Variants in MYO18B observed in about 807,000 individuals in gnomAD.
The protein encoded by MYO18B is myosin XVIIIB, also known as unconventional myosin-XVIIIb.
A neutral mutation model predicts 273.0 loss-of-function variants in MYO18B; 204 were observed. The observed-to-expected ratio is 0.75, with a 90% CI of 0.67 to 0.84. MYO18B has a LOEUF of 0.84. Among genes scored for constraint, MYO18B ranks in the 40% least tolerant of loss-of-function variants. The pLI, the probability that MYO18B is intolerant of heterozygous loss-of-function variation, is 0.00. For synonymous variants in MYO18B, 1,330 were observed against 1,305.7 expected, an observed-to-expected ratio of 1.02 and a Z score of -0.40; for missense variants, 3,212 against 3,287.6, an observed-to-expected ratio of 0.98 and a Z score of 0.56.
chr22:25,771,824 T>G (rs2086730153), intron 6 of MYO18B, among the ~76,000 whole-genome samples: 1 of 152,200 alleles, frequency 6.6e-6, no homozygotes, highest in Admixed American at 6.5e-5. Context: ...ACATAACCCT[T>G]GCTTCTAAGG....
In MYO18B at chr22:25,846,259, G is replaced by A. The variant is rs746908127; in HGVS notation, c.3528G>A (p.Pro1176=). 8 of 1,611,892 alleles carry A rather than the reference G, an allele frequency of 5.0e-6. No homozygotes were observed. The East Asian group carries it at 8.9e-5, about 18-fold the overall frequency. Residue 1176 remains proline (P), a synonymous_variant, in exon 19 of 44, where the codon CCG becomes CCA. Transcript: ENST00000335473. Reference sequence around the variant, plus strand: ...TTGCCGCGGTGAGGAGGAAAGCCCCGTGCTCCCAGATCAAGCTGCAGATGG... The same window carrying A: ...TTGCCGCGGTGAGGAGGAAAGCCCCATGCTCCCAGATCAAGCTGCAGATGG... The part of the protein sequence containing the change: ...SSLAAVRRKA[P]CSQIKLQMDA...
At chr22:25,857,709 A>G (rs2090614596) in intron 21 of MYO18B, among the ~76,000 whole-genome samples, 1 of 152,200 alleles carries the variant, frequency 6.6e-6, no homozygotes, top group African/African-American at 2.4e-5. Flanking sequence ...GCTGGAGTGC[A>G]GTGGTGCTAT....
chr22:25,933,201 T>C (rs1009261146), intron 34 of MYO18B, among the ~76,000 whole-genome samples: 4 of 152,302 alleles, frequency 2.6e-5, no homozygotes, highest in Admixed American at 6.5e-5. Context: ...GAGCCATTTT[T>C]ATTTATGCAG....
chr22:25,918,791 T>G (rs1456003228), intron 33 of MYO18B, among the ~76,000 whole-genome samples: 23 of 152,184 alleles, frequency 1.5e-4, no homozygotes, highest in Non-Finnish European at 3.2e-4. Context: ...ATATAAGAAA[T>G]GTGCAAAGCC....
At chr22:25,847,179 G>A (rs1424975330) in intron 19 of MYO18B, among the ~76,000 whole-genome samples, 1 of 152,132 alleles carries the variant, frequency 6.6e-6, no homozygotes, top group Non-Finnish European at 1.5e-5. Context: ...AGTCCCAGCT[G>A]TTCTGCCACT....
At chr22:25,788,689 A>G (rs1381070656) in intron 11 of MYO18B, among the ~76,000 whole-genome samples, 4 of 152,062 alleles carry the variant, frequency 2.6e-5, no homozygotes. Flanking sequence ...CCCAACTTCA[A>G]CCCAACTTCA....
At position 25,797,924 on chromosome 22, in the gene MYO18B, G is replaced by C. The variant is rs370563320; in HGVS notation, c.2377-29G>C. The C allele has an allele frequency of 4.8e-5, 78 of 1,613,854 alleles. No individual in the cohort carries two copies. In the African/African-American group the frequency reaches 9.3e-4, roughly 19 times the overall value. ...GTGTTTTCTCCATCGCGATGGCCTTGTTTTCTTCCTCTCTCCCTTTGCCCG... is the reference window on the plus strand; with the variant it reads ...GTGTTTTCTCCATCGCGATGGCCTTCTTTTCTTCCTCTCTCCCTTTGCCCG... On this transcript the variant is annotated intron_variant, in intron 11 of 43. Coordinates refer to ENST00000335473, the MANE Select transcript of MYO18B (RefSeq NM_032608.7).
At chr22:25,770,229 C>A (rs2086669700) in intron 5 of MYO18B, 53 bp downstream of exon 5, 1 of 1,553,222 alleles carries the variant, frequency 6.4e-7, no homozygotes, top group East Asian at 2.2e-5. Flanking sequence ...CCTGTGCCCC[C>A]TACTGCTGCC....
intron 12 of MYO18B, among the ~76,000 whole-genome samples, chr22:25,799,272 CG>C (rs1171620532): frequency 6.6e-6 from 1 of 151,938 alleles, no homozygotes; most frequent in Non-Finnish European, 1.5e-5. Flanking sequence ...TGTCATTCTC[CG>C]CTTAGAATCC....
At chr22:25,970,998 G>A (rs1394859949) in intron 39 of MYO18B, among the ~76,000 whole-genome samples, 1 of 152,206 alleles carries the variant, frequency 6.6e-6, no homozygotes, top group Non-Finnish European at 1.5e-5. Flanking sequence ...CACACAGGTA[G>A]CAACTGGATG....
the MYO18B span, among the ~76,000 whole-genome samples, chr22:26,056,448 G>A: frequency 1.3e-5 from 2 of 152,156 alleles, no homozygotes; most frequent in Non-Finnish European, 2.9e-5. Context: ...CTCACTCCTG[G>A]TCCTGTCTAC....
chr22:25,762,272 T>C (rs2086348852), intron 2 of MYO18B, among the ~76,000 whole-genome samples: 1 of 152,244 alleles, frequency 6.6e-6, no homozygotes, highest in Non-Finnish European at 1.5e-5. Flanking sequence ...CATGGCCTTG[T>C]CTCCTGGCCT....
At chr22:26,029,468 A>T (rs1936540415) in intron 43 of MYO18B, among the ~76,000 whole-genome samples, 1 of 152,060 alleles carries the variant, frequency 6.6e-6, no homozygotes, top group African/African-American at 2.4e-5. Flanking sequence ...TCTGATATTC[A>T]TTTACATTAT....
intron 1 of MYO18B, among the ~76,000 whole-genome samples, chr22:25,750,535 G>A (rs1388408524): frequency 6.6e-6 from 1 of 152,148 alleles, no homozygotes; most frequent in Non-Finnish European, 1.5e-5. Context: ...CATTCCTGCT[G>A]AGCATCTAAG....
At chr22:25,941,951 TTTTC>T (rs2092649446) in intron 34 of MYO18B, among the ~76,000 whole-genome samples, 1 of 152,242 alleles carries the variant, frequency 6.6e-6, no homozygotes, top group Non-Finnish European at 1.5e-5. Context: ...TTCCGCTTCA[TTTTC>T]TTTCTCTCTA....
chr22:25,784,016 T>G (rs1003117589), intron 10 of MYO18B, among the ~76,000 whole-genome samples: 1 of 152,204 alleles, frequency 6.6e-6, no homozygotes, highest in African/African-American at 2.4e-5. Context: ...TCCCATGCAC[T>G]CATGTGGGAA....
intron 34 of MYO18B, among the ~76,000 whole-genome samples, chr22:25,937,838 G>A (rs979280378): frequency 6.6e-6 from 1 of 152,158 alleles, no homozygotes; most frequent in Non-Finnish European, 1.5e-5. Context: ...GCATGCCTCG[G>A]CCTTCCAAAA....
chr22:25,947,074 C>T (rs892969082), intron 35 of MYO18B, among the ~76,000 whole-genome samples: 1 of 152,054 alleles, frequency 6.6e-6, no homozygotes. Flanking sequence ...TCTCTGTGGG[C>T]CTTTTTGTCC....
chr22:25,971,156 T>C (rs1569250372), intron 39 of MYO18B, among the ~76,000 whole-genome samples: 1 of 152,234 alleles, frequency 6.6e-6, no homozygotes, highest in African/African-American at 2.4e-5. Flanking sequence ...AATGAATGAA[T>C]AGATGAGCGT....
Sources: allele counts gnomAD v4.1 joint callset (sites outside exome capture counted in the v4.1 genomes callset), GRCh38; gene constraint gnomAD v4.1.1; transcripts MANE v1.5; gene names NCBI Gene and HGNC (gene_info 2026-07-23, HGNC 2026-07-21).